Variants in COL21A1 observed in about 807,000 individuals in gnomAD.
COL21A1 encodes collagen type XXI alpha 1 chain.
COL21A1 carries 149 observed loss-of-function variants against 137.9 expected under a neutral mutation model. The ratio of observed to expected loss-of-function variants is 1.08; its 90% CI spans 0.95 to 1.24. COL21A1 has a LOEUF of 1.24. Ranked by LOEUF, COL21A1 falls within the 50% of genes most tolerant of loss-of-function variation. The pLI is 0.00. For missense variants in COL21A1, 1,167 were observed against 1,158.4 expected, an observed-to-expected ratio of 1.01 and a Z score of -0.11; for synonymous variants, 456 against 391.5, an observed-to-expected ratio of 1.16 and a Z score of -1.95.
At chr6:56,283,886 T>A (rs1206554912) in intron 1 of COL21A1, among the ~76,000 whole-genome samples, 13 of 152,014 alleles carry the variant, frequency 8.6e-5, no homozygotes, top group South Asian at 2.1e-4. Context: ...TCTCTCTCTC[T>A]CTCTCTCTCT....
chr6:56,194,755 T>C (rs1275273331), intron 1 of COL21A1, among the ~76,000 whole-genome samples: 1 of 152,210 alleles, frequency 6.6e-6, no homozygotes, highest in East Asian at 1.9e-4. Context: ...AGAGATCTTA[T>C]TAAAATGTAG....
At chr6:56,349,130 G>C (rs1421589308) in intron 1 of COL21A1, among the ~76,000 whole-genome samples, 2 of 152,134 alleles carry the variant, frequency 1.3e-5, no homozygotes, top group Non-Finnish European at 2.9e-5. Flanking sequence ...CCCTCTTTCT[G>C]GCCTTGGCTA....
intron 14 of COL21A1, 160 bp downstream of exon 14, chr6:56,125,407 T>C: frequency 4.4e-6 from 2 of 455,774 alleles, no homozygotes; most frequent in South Asian, 6.7e-5. Flanking sequence ...ACCAGCTCTT[T>C]TTTTCTTTTT....
intron 2 of COL21A1, 30 bp downstream of exon 2, chr6:56,182,501 A>G: frequency 7.0e-7 from 1 of 1,425,936 alleles, no homozygotes. Flanking sequence ...TTTGTTGATA[A>G]CAAAAAAGGA....
At chr6:56,115,687 G>A (rs1771855485) in intron 16 of COL21A1, among the ~76,000 whole-genome samples, 1 of 151,880 alleles carries the variant, frequency 6.6e-6, no homozygotes, top group Non-Finnish European at 1.5e-5. Flanking sequence ...TAAGACACCA[G>A]GAATCAATTC....
intron 1 of COL21A1, among the ~76,000 whole-genome samples, chr6:56,200,879 A>G (rs1779352653): frequency 6.6e-6 from 1 of 152,134 alleles, no homozygotes; most frequent in Non-Finnish European, 1.5e-5. Flanking sequence ...GAATCGCCAC[A>G]CTGACTTCCA....
chr6:56,219,740 C>T (rs1780713605), intron 1 of COL21A1, among the ~76,000 whole-genome samples: 1 of 151,998 alleles, frequency 6.6e-6, no homozygotes, highest in African/African-American at 2.4e-5. Context: ...TTTTATTACC[C>T]AATTAAGATA....
chr6:56,324,937 A>T (rs1432409289), intron 1 of COL21A1, among the ~76,000 whole-genome samples: 1 of 151,788 alleles, frequency 6.6e-6, no homozygotes, highest in East Asian at 1.9e-4. Flanking sequence ...TCCTATATAC[A>T]CAGTACTTTT....
intron 16 of COL21A1, among the ~76,000 whole-genome samples, chr6:56,117,390 T>C (rs1361314526): frequency 6.6e-6 from 1 of 151,922 alleles, no homozygotes; most frequent in African/African-American, 2.4e-5. Flanking sequence ...GCAGAGGATA[T>C]AACAATTTTA....
chr6:56,280,380 A>G (rs1763762041), intron 1 of COL21A1, among the ~76,000 whole-genome samples: 1 of 152,142 alleles, frequency 6.6e-6, no homozygotes, highest in Non-Finnish European at 1.5e-5. Context: ...AATTCCTGAT[A>G]TTATTATGGA....
chr6:56,139,362 G>T (rs559656324), intron 12 of COL21A1, among the ~76,000 whole-genome samples: 1 of 152,182 alleles, frequency 6.6e-6, no homozygotes, highest in African/African-American at 2.4e-5. Context: ...TAAAAACCAG[G>T]TTTAAAGAGA....
rs551772548 is a variant in COL21A1 at position 56,184,760 on chromosome 6, T to C, written c.-38-2104A>G. On this transcript the variant is annotated intron_variant, in intron 1 of 29. Transcript: ENST00000244728. ...GCATTTAATTAGAAAATATTGGCGA[T>C]GGCATCTGGATATGAAGTTTTGCGG... 1.5e-3 allele frequency among the ~76,000 whole-genome samples: 235 copies of C among 152,322 alleles called. 1 individual carries two copies. Among genetic ancestry groups the C allele is most frequent in the Non-Finnish European group, 2.2e-3 (147 of 68,002 alleles).
At chr6:56,290,570 G>T (rs1764017987) in intron 1 of COL21A1, among the ~76,000 whole-genome samples, 2 of 143,062 alleles carry the variant, frequency 1.4e-5, no homozygotes, top group Non-Finnish European at 3.0e-5. Context: ...CATGATCTCG[G>T]CTCACTGCAA....
At chr6:56,105,937 T>A (rs1270119333) in intron 16 of COL21A1, among the ~76,000 whole-genome samples, 1 of 152,214 alleles carries the variant, frequency 6.6e-6, no homozygotes, top group East Asian at 1.9e-4. Context: ...TCACTCTGCA[T>A]CCACCATACT....
At chr6:56,161,452 A>G (rs1392678533) in intron 9 of COL21A1, among the ~76,000 whole-genome samples, 1 of 151,970 alleles carries the variant, frequency 6.6e-6, no homozygotes, top group Non-Finnish European at 1.5e-5. Context: ...GCAGAACAGA[A>G]GCGCGTTCCA....
At chr6:56,282,219 G>T (rs1763801904) in intron 1 of COL21A1, among the ~76,000 whole-genome samples, 1 of 152,084 alleles carries the variant, frequency 6.6e-6, no homozygotes, top group Admixed American at 6.5e-5. Context: ...ACAGTTGTAG[G>T]TATCATGAGG....
intron 1 of COL21A1, among the ~76,000 whole-genome samples, chr6:56,282,050 C>T (rs771023924): frequency 2.0e-5 from 3 of 151,982 alleles, no homozygotes; most frequent in Non-Finnish European, 4.4e-5. Context: ...AGTTTTCATT[C>T]GAAATATTTT....
rs141560247 is a variant in COL21A1, at chr6:56,271,695, A to T, written c.-38-89039T>A. 5.0e-3 allele frequency among the ~76,000 whole-genome samples: 769 copies of T among 152,336 alleles called. 8 individuals carry two copies. Among genetic ancestry groups the T allele is most frequent in the African/African-American group, 0.016 (657 of 41,584 alleles). On this transcript the variant is annotated intron_variant, in intron 1 of 28. Coordinates refer to the COL21A1 transcript ENST00000370819. Reference sequence around the variant, plus strand: ...CCTCCAAACACAAGCCCAAAGGTCTAGGAGGAAAAAATTGCTCTGTGGGCT... The same window carrying T: ...CCTCCAAACACAAGCCCAAAGGTCTTGGAGGAAAAAATTGCTCTGTGGGCT...
In COL21A1 at chr6:56,171,143, C is replaced by A. The variant is rs1777013639; in HGVS notation, c.641-15G>T. The A allele has an allele frequency of 6.4e-7, 1 of 1,558,624 alleles. No individual in the cohort carries two copies. Among genetic ancestry groups the A allele is most frequent in the Non-Finnish European group, 8.6e-7 (1 of 1,156,850 alleles). ...ACAGACAGATTCTATAAAGCAAAAG[C>A]AATAAAAGTTGGTTAATCATGGACT... On this transcript the variant is annotated splice_polypyrimidine_tract_variant and intron_variant, in intron 3 of 29. Coordinates refer to ENST00000244728, the MANE Select transcript of COL21A1 (RefSeq NM_030820.4).
Sources: gnomAD v4.1 joint callset for allele counts (sites outside exome capture counted in the v4.1 genomes callset) on GRCh38, gnomAD v4.1.1 for gene constraint, MANE v1.5 for transcripts, NCBI Gene and HGNC (gene_info 2026-07-23, HGNC 2026-07-21) for gene names.